The following HSD17B3 variants were observed in gnomAD, a reference collection of about 807,000 sequenced individuals.
HSD17B3 encodes hydroxysteroid 17-beta dehydrogenase 3, also known as 17-beta-hydroxysteroid dehydrogenase type 3.
A neutral mutation model predicts 41.1 loss-of-function variants in HSD17B3; 29 were observed. The observed-to-expected ratio is 0.71, with a 90% CI of 0.53 to 0.96. HSD17B3 has a LOEUF of 0.96. HSD17B3 is among the 40% of genes least tolerant of loss of function. The pLI is 0.00. For missense variants in HSD17B3, 323 were observed against 374.6 expected (o/e 0.86, Z 1.14); for synonymous variants, 126 against 145.6 (o/e 0.87, Z 0.97).
intron 1 of HSD17B3, 22 bp downstream of exon 1, chr9:96,301,929 A>G (rs770393873): frequency 5.6e-6 from 9 of 1,605,988 alleles, no homozygotes; most frequent in Non-Finnish European, 7.7e-6. Context: ...GCAAAAAAAC[A>G]TGAGATGGAA....
At chr9:96,272,179 G>A (rs1431950850) in intron 2 of HSD17B3, among the ~76,000 whole-genome samples, 1 of 150,996 alleles carries the variant, frequency 6.6e-6, no homozygotes, top group Non-Finnish European at 1.5e-5. Context: ...AACCAGCCTG[G>A]CCAACATGGT....
intron 2 of HSD17B3, among the ~76,000 whole-genome samples, chr9:96,264,447 T>C (rs1446516858): frequency 6.6e-6 from 1 of 152,090 alleles, no homozygotes; most frequent in Non-Finnish European, 1.5e-5. Context: ...AAAAGTGGGA[T>C]AAAGGATCAG....
At chr9:96,270,241 A>AAC (rs1456138549) in intron 2 of HSD17B3, among the ~76,000 whole-genome samples, 5 of 133,616 alleles carry the variant, frequency 3.7e-5, no homozygotes, top group Non-Finnish European at 4.7e-5. Flanking sequence ...ATCCCCCCCA[A>AAC]ACACATACAC....
intron 2 of HSD17B3, among the ~76,000 whole-genome samples, chr9:96,267,098 A>G (rs370903049): frequency 1.1e-4 from 16 of 152,114 alleles, no homozygotes; most frequent in African/African-American, 3.9e-4. Flanking sequence ...TTGAAGACAG[A>G]CTGCCAGACA....
At chr9:96,286,436 C>A (rs976191469) in intron 2 of HSD17B3, among the ~76,000 whole-genome samples, 77 of 152,254 alleles carry the variant, frequency 5.1e-4, no homozygotes, top group African/African-American at 1.8e-3. Flanking sequence ...CGCCTGTGAT[C>A]CTAGCACATT....
chr9:96,272,405 CTATATATATATATATATATA>C lies in HSD17B3; in HGVS notation c.202-17482_202-17463del, dbSNP rs1199705437. On this transcript the variant is annotated intron_variant, in intron 2 of 10. Transcript: ENST00000375263. ...TCTCTCTCTCTCTCTCTCTCTCTCT[CTATATATATATATATATATA>C]TATATATATATATATATATATAAAA... Among the ~76,000 whole-genome samples, 4 of 21,538 alleles carry C rather than the reference CTATATATATATATATATATA, an allele frequency of 1.9e-4. No individual in the cohort carries two copies. In the Admixed American group the frequency reaches 1.9e-3, roughly 10 times the overall value. 14.1% of individuals were successfully genotyped at this position (21,538 alleles called of 152,430 possible). A position where few individuals can be genotyped will look rare whatever the true frequency, so the allele number is the denominator to read the frequency against.
intron 2 of HSD17B3, among the ~76,000 whole-genome samples, chr9:96,277,412 G>A (rs985301752): frequency 7.2e-5 from 11 of 152,082 alleles, no homozygotes; most frequent in Admixed American, 5.9e-4. Flanking sequence ...GAAGAAGGAT[G>A]TAAATAGACA....
chr9:96,261,023 A>T (rs1825837820), intron 2 of HSD17B3, among the ~76,000 whole-genome samples: 1 of 152,012 alleles, frequency 6.6e-6, no homozygotes, highest in Non-Finnish European at 1.5e-5. Flanking sequence ...TTTTGCCTGA[A>T]TTAGTTCATA....
intron 10 of HSD17B3, among the ~76,000 whole-genome samples, chr9:96,238,656 T>C (rs2130700601): frequency 6.6e-6 from 1 of 151,684 alleles, no homozygotes. Context: ...CGAGACTCCA[T>C]CTCAAAAAAA....
At chr9:96,246,506 C>T (rs990509395) in intron 7 of HSD17B3, 50 bp downstream of exon 7, 3 of 1,580,148 alleles carry the variant, frequency 1.9e-6, no homozygotes, top group Non-Finnish European at 2.6e-6. Flanking sequence ...TAGCTGACCG[C>T]CAGGGCAGGG....
chr9:96,244,294 G>C (rs759604503), intron 9 of HSD17B3, 35 bp downstream of exon 9: 1 of 1,608,000 alleles, frequency 6.2e-7, no homozygotes, highest in Non-Finnish European at 8.5e-7. Flanking sequence ...ACCTCACCTG[G>C]ATGATGACAA....
intron 1 of HSD17B3, among the ~76,000 whole-genome samples, chr9:96,300,922 T>C (rs951033105): frequency 2.6e-5 from 4 of 152,228 alleles, no homozygotes; most frequent in African/African-American, 4.8e-5. Context: ...CTTTTTTTAA[T>C]ACAATGAGTT....
intron 9 of HSD17B3, among the ~76,000 whole-genome samples, chr9:96,243,940 T>G (rs1285795589): frequency 2.0e-5 from 3 of 152,174 alleles, no homozygotes; most frequent in Non-Finnish European, 4.4e-5. Flanking sequence ...GTTTGCTTCT[T>G]CTCCAGAATT....
chr9:96,294,546 G>A (rs987819491), intron 2 of HSD17B3, among the ~76,000 whole-genome samples: 1 of 152,216 alleles, frequency 6.6e-6, no homozygotes, highest in Non-Finnish European at 1.5e-5. Flanking sequence ...GATAGCAAGG[G>A]ACCACAGGAA....
At chr9:96,244,278 C>T in intron 9 of HSD17B3, 51 bp downstream of exon 9, 1 of 1,583,264 alleles carries the variant, frequency 6.3e-7, no homozygotes, top group Non-Finnish European at 8.7e-7. Flanking sequence ...GGACTCACAG[C>T]CGCCCACCTC....
At chr9:96,280,946 A>G (rs1192955495) in intron 2 of HSD17B3, among the ~76,000 whole-genome samples, 1 of 152,192 alleles carries the variant, frequency 6.6e-6, no homozygotes, top group Non-Finnish European at 1.5e-5. Flanking sequence ...AAGGGGAGGC[A>G]TGAATAATCC....
At chr9:96,251,283 G>A (rs2130727274) in intron 5 of HSD17B3, 135 bp downstream of exon 5, 2 of 703,976 alleles carry the variant, frequency 2.8e-6, no homozygotes, top group East Asian at 5.3e-5. Context: ...AGGAAAGGGG[G>A]CCTCAATACA....
At chr9:96,289,142 G>A (rs10820247) in intron 2 of HSD17B3, among the ~76,000 whole-genome samples, 71,238 of 148,594 alleles carry the variant, frequency 0.48, 18,020 homozygotes, top group East Asian at 0.66. Context: ...AAAAAAGATA[G>A]GCAGTCACTA....
At chr9:96,263,016 G>C (rs1000120482) in intron 2 of HSD17B3, among the ~76,000 whole-genome samples, 1 of 152,142 alleles carries the variant, frequency 6.6e-6, no homozygotes, top group African/African-American at 2.4e-5. Flanking sequence ...TCTCCCTTTT[G>C]TGACTAGTAA....
Sources: gnomAD v4.1 joint callset for allele counts (sites outside exome capture counted in the v4.1 genomes callset) on GRCh38, gnomAD v4.1.1 for gene constraint, MANE v1.5 for transcripts, NCBI Gene and HGNC (gene_info 2026-07-23, HGNC 2026-07-21) for gene names.